Variants in DOCK4 observed in about 807,000 individuals in gnomAD.
DOCK4 encodes the protein dedicator of cytokinesis protein 4.
A neutral mutation model predicts 268.1 loss-of-function variants in DOCK4; 97 were observed. The ratio of observed to expected loss-of-function variants is 0.36; its 90% CI spans 0.31 to 0.43. The LOEUF (loss-of-function observed/expected upper bound fraction) is 0.43. DOCK4 is among the 20% of genes least tolerant of loss of function. The probability of loss-of-function intolerance (pLI) is 1.00; values close to 1 mark genes in which losing one functional copy is unlikely to be tolerated. For synonymous variants in DOCK4, 954 were observed against 887.2 expected, an observed-to-expected ratio of 1.08 and a Z score of -1.34; for missense variants, 2,145 against 2,455.7, an observed-to-expected ratio of 0.87 and a Z score of 2.67.
At chr7:111,758,456 T>C (rs921829917) in intron 41 of DOCK4, among the ~76,000 whole-genome samples, 168 bp downstream of exon 41, 2 of 152,200 alleles carry the variant, frequency 1.3e-5, no homozygotes, top group Admixed American at 6.5e-5. Flanking sequence ...GCACTCCATG[T>C]CACTCTGATG....
intron 52 of DOCK4, among the ~76,000 whole-genome samples, chr7:111,730,531 T>G (rs1427104122): frequency 6.6e-6 from 1 of 152,168 alleles, no homozygotes; most frequent in African/African-American, 2.4e-5. Context: ...GAGTTCCCAA[T>G]TCACTGCTAC....
intron 16 of DOCK4, among the ~76,000 whole-genome samples, chr7:111,886,897 A>G (rs1311673458): frequency 6.6e-6 from 1 of 152,158 alleles, no homozygotes; most frequent in Non-Finnish European, 1.5e-5. Context: ...TTCCTGTACT[A>G]TTTTTGCAAC....
rs889380028 is a variant in DOCK4, at chr7:111,726,624, A to G, written c.*1650T>C. 1 of 152,676 alleles carries G rather than the reference A, an allele frequency of 6.5e-6. No homozygotes were observed. Among genetic ancestry groups the G allele is most frequent in the Non-Finnish European group, 1.5e-5 (1 of 68,042 alleles). 9.5% of individuals were successfully genotyped at this position (152,676 alleles called of 1,614,324 possible). On this transcript the variant is annotated 3_prime_UTR_variant, in exon 53 of 53. Coordinates refer to ENST00000428084, the MANE Select transcript of DOCK4 (RefSeq NM_001363540.2). ...CACTAAACATAAATATTTAACATAT[A>G]TTAATTTTTCCGACATTCAAAATTG...
chr7:111,826,742 G>A (rs990748343), intron 26 of DOCK4, among the ~76,000 whole-genome samples: 11 of 151,906 alleles, frequency 7.2e-5, no homozygotes, highest in Admixed American at 2.6e-4. Context: ...GGGAGGGAGG[G>A]AGAAAGAAAA....
chr7:111,869,797 TA>T, intron 20 of DOCK4, 142 bp from the exon 21 acceptor site: 1 of 664,466 alleles, frequency 1.5e-6, no homozygotes, highest in Non-Finnish European at 2.6e-6. Flanking sequence ...TGCTGTATAA[TA>T]ATTTTACTAA....
At chr7:112,023,020 G>A (rs1254213849) in intron 1 of DOCK4, among the ~76,000 whole-genome samples, 3 of 152,034 alleles carry the variant, frequency 2.0e-5, no homozygotes, top group Non-Finnish European at 4.4e-5. Flanking sequence ...AGGTTCAAGC[G>A]GTTTTTCAGC....
At chr7:111,930,587 A>C (rs1473199106) in intron 12 of DOCK4, among the ~76,000 whole-genome samples, 3 of 152,230 alleles carry the variant, frequency 2.0e-5, no homozygotes, top group African/African-American at 7.2e-5. Context: ...GTTTGACTGC[A>C]CTGCTTCCAT....
intron 1 of DOCK4, among the ~76,000 whole-genome samples, chr7:112,016,992 C>T (rs116286249): frequency 0.016 from 2,381 of 152,242 alleles, 59 homozygotes; most frequent in African/African-American, 0.055. Context: ...ATGGGTCCTA[C>T]GATTAACTGT....
chr7:112,128,773 A>G (rs1264285387), intron 1 of DOCK4, among the ~76,000 whole-genome samples: 5 of 151,894 alleles, frequency 3.3e-5, no homozygotes, highest in African/African-American at 9.7e-5. Flanking sequence ...GGACACAAAC[A>G]CTGCGGAAGG....
At chr7:112,155,233 A>C (rs971882984) in intron 1 of DOCK4, among the ~76,000 whole-genome samples, 6 of 152,198 alleles carry the variant, frequency 3.9e-5, no homozygotes, top group African/African-American at 1.4e-4. Context: ...ATATATACAC[A>C]GTAGGTAAAA....
Position 111,739,484 on chromosome 7 carries a change from A to T in DOCK4, c.5041-7T>A, listed in dbSNP as rs1418361377. The T allele has an allele frequency of 6.4e-7, 1 of 1,560,200 alleles. No individual in the cohort carries two copies. The highest frequency in any genetic ancestry group is 1.9e-5 in the Admixed American group (1 of 51,762). ...TTGAGGTAGATGGACTTGGCTGGAA[A>T]CACACAGGGAGCTATTATCATACCC... On this transcript the variant is annotated splice_region_variant and splice_polypyrimidine_tract_variant and intron_variant, in intron 47 of 52. Coordinates refer to ENST00000428084, the MANE Select transcript of DOCK4 (RefSeq NM_001363540.2).
intron 13 of DOCK4, among the ~76,000 whole-genome samples, chr7:111,905,185 T>C (rs1791457928): frequency 6.6e-6 from 1 of 152,172 alleles, no homozygotes; most frequent in Non-Finnish European, 1.5e-5. Flanking sequence ...AGGTTGACTC[T>C]GGAGAAAACT....
chr7:112,069,963 T>C (rs147578383), intron 1 of DOCK4, among the ~76,000 whole-genome samples: 2 of 152,104 alleles, frequency 1.3e-5, no homozygotes, highest in Non-Finnish European at 2.9e-5. Flanking sequence ...AGTGGAACAT[T>C]AGGGTGGAAA....
intron 1 of DOCK4, among the ~76,000 whole-genome samples, chr7:112,092,050 T>C (rs992532710): frequency 1.3e-5 from 2 of 152,180 alleles, no homozygotes; most frequent in African/African-American, 2.4e-5. Flanking sequence ...GAGGCTTTTG[T>C]GTGTCAGCGT....
chr7:111,884,157 T>G (rs546189625), intron 16 of DOCK4, among the ~76,000 whole-genome samples: 1 of 152,294 alleles, frequency 6.6e-6, no homozygotes, highest in East Asian at 1.9e-4. Context: ...TAGCATATCT[T>G]TTATTGTTCC....
At chr7:112,022,065 A>G (rs1350356670) in intron 1 of DOCK4, among the ~76,000 whole-genome samples, 1 of 152,242 alleles carries the variant, frequency 6.6e-6, no homozygotes, top group Non-Finnish European at 1.5e-5. Context: ...ATTCTATGTC[A>G]TGACAGTGTG....
chr7:111,757,888 T>TGG (rs367917037), intron 41 of DOCK4, among the ~76,000 whole-genome samples: 25 of 151,824 alleles, frequency 1.6e-4, no homozygotes, highest in Admixed American at 6.6e-4. Context: ...AAATACTAAC[T>TGG]GGGGGGGGTG....
intron 13 of DOCK4, 131 bp downstream of exon 13, chr7:111,915,648 C>G: frequency 1.2e-6 from 1 of 841,686 alleles, no homozygotes; most frequent in Non-Finnish European, 1.7e-6. Flanking sequence ...CTTACAGTCA[C>G]ATACCTCATT....
intron 1 of DOCK4, among the ~76,000 whole-genome samples, chr7:112,038,628 C>T (rs58007629): frequency 0.062 from 9,447 of 152,242 alleles, 876 homozygotes; most frequent in African/African-American, 0.2. Context: ...GCTACCCACT[C>T]AGTGTCATTA....
Sources: gnomAD v4.1 joint callset for allele counts (sites outside exome capture counted in the v4.1 genomes callset) on GRCh38, gnomAD v4.1.1 for gene constraint, MANE v1.5 for transcripts, NCBI Gene and HGNC (gene_info 2026-07-23, HGNC 2026-07-21) for gene names.